Variants in DLC1 observed in about 807,000 individuals in gnomAD.
DLC1 encodes the protein rho GTPase-activating protein 7.
In DLC1, 54 loss-of-function variants were observed where a neutral mutation model predicts 140.3. The observed-to-expected ratio is 0.38, with a 90% CI of 0.31 to 0.48. DLC1 has a LOEUF of 0.48. Among genes scored for constraint, DLC1 ranks in the 20% least tolerant of loss-of-function variants. DLC1 has a pLI of 0.96. For missense variants in DLC1, 2,536 were observed against 1,907.0 expected, an observed-to-expected ratio of 1.33 and a Z score of -6.14; for synonymous variants, 986 against 728.1, an observed-to-expected ratio of 1.35 and a Z score of -5.70.
intron 1 of DLC1, among the ~76,000 whole-genome samples, chr8:13,520,609 C>A: frequency 6.6e-6 from 1 of 151,882 alleles, no homozygotes; most frequent in East Asian, 1.9e-4. Context: ...TAACCCAGAA[C>A]TTAAAGTATA....
Position 13,574,724 on chromosome 8 carries a change from A to C in DLC1, c.-126+29813T>G, listed in dbSNP as rs566506454. ...TCTGTTTATTGAACAGCATTATAGTAATGAAACTCTTGAGATAGAAGTGGT... is the reference window on the plus strand; with the variant it reads ...TCTGTTTATTGAACAGCATTATAGTCATGAAACTCTTGAGATAGAAGTGGT... On this transcript the variant is annotated intron_variant, in intron 1 of 1. Transcript: ENST00000631382. 2.0e-5 allele frequency among the ~76,000 whole-genome samples: 3 copies of C among 152,336 alleles called. No individual in the cohort carries two copies. The South Asian group carries it at 6.2e-4, about 32-fold the overall frequency.
intron 1 of DLC1, among the ~76,000 whole-genome samples, chr8:13,504,305 T>C (rs1420817206): frequency 1.3e-5 from 2 of 152,078 alleles, no homozygotes; most frequent in African/African-American, 4.8e-5. Context: ...TTTTTATTTT[T>C]CCTAGAGACA....
intron 2 of DLC1, among the ~76,000 whole-genome samples, chr8:13,472,280 T>C (rs950084099): frequency 2.0e-5 from 3 of 152,220 alleles, no homozygotes; most frequent in African/African-American, 7.2e-5. Flanking sequence ...CAGATTTAAA[T>C]GCGTGTATAC....
intron 5 of DLC1, among the ~76,000 whole-genome samples, chr8:13,259,806 T>A (rs887744669): frequency 6.6e-6 from 1 of 151,280 alleles, no homozygotes; most frequent in Non-Finnish European, 1.5e-5. Context: ...GTTTTTTTTT[T>A]TCTGTTTAAG....
At chr8:13,398,605 C>CA (rs55898759) in intron 3 of DLC1, among the ~76,000 whole-genome samples, 2,733 of 113,084 alleles carry the variant, frequency 0.024, 108 homozygotes, top group East Asian at 0.11. Context: ...CCATCTCTAC[C>CA]AAAAAAAAAA....
At chr8:13,586,400 G>A (rs527823692) in intron 1 of DLC1, among the ~76,000 whole-genome samples, 3 of 152,226 alleles carry the variant, frequency 2.0e-5, no homozygotes, top group South Asian at 4.1e-4. Context: ...GTAGGGAAGA[G>A]TCAAAGATGG....
intron 5 of DLC1, among the ~76,000 whole-genome samples, chr8:13,164,948 G>A (rs544220150): frequency 3.6e-4 from 55 of 152,306 alleles, no homozygotes; most frequent in African/African-American, 1.3e-3. Context: ...TGCATTTTGT[G>A]TGTGGGAGTT....
chr8:13,590,046 G>A (rs576246524), intron 1 of DLC1, among the ~76,000 whole-genome samples: 15 of 128,846 alleles, frequency 1.2e-4, no homozygotes, highest in Admixed American at 7.4e-4. Context: ...CTAAAGTTTA[G>A]GAGAAACTCA....
chr8:13,106,370 C>G (rs1011622209), intron 7 of DLC1, among the ~76,000 whole-genome samples: 6 of 152,128 alleles, frequency 3.9e-5, no homozygotes, highest in African/African-American at 1.2e-4. Context: ...CTTTTCTTTT[C>G]TTTTTGAGAC....
chr8:13,219,099 T>TATGTGA, intron 5 of DLC1, among the ~76,000 whole-genome samples: 1 of 122,138 alleles, frequency 8.2e-6, no homozygotes, highest in African/African-American at 3.2e-5. Flanking sequence ...TGAATGTAAT[T>TATGTGA]ATATAATTAT....
At chr8:13,390,692 C>G (rs533338600) in intron 4 of DLC1, among the ~76,000 whole-genome samples, 3 of 152,210 alleles carry the variant, frequency 2.0e-5, no homozygotes, top group South Asian at 2.1e-4. Context: ...TATCCTGGAA[C>G]TTTAAGAAAA....
intron 1 of DLC1, among the ~76,000 whole-genome samples, chr8:13,506,514 C>T (rs1802071342): frequency 6.8e-6 from 1 of 148,126 alleles, no homozygotes; most frequent in Non-Finnish European, 1.5e-5. Flanking sequence ...GTGTTCTCCA[C>T]CTACTGCTTT....
chr8:13,146,031 C>A (rs930002018), intron 5 of DLC1, among the ~76,000 whole-genome samples: 1 of 152,096 alleles, frequency 6.6e-6, no homozygotes, highest in Admixed American at 6.5e-5. Flanking sequence ...GTAATCCCAG[C>A]ACTTTGGGAG....
chr8:13,093,318 CTGATTTGTTCCTTCTTGAAG>C (rs1402497375), intron 12 of DLC1, among the ~76,000 whole-genome samples: 1 of 152,074 alleles, frequency 6.6e-6, no homozygotes, highest in Non-Finnish European at 1.5e-5. Flanking sequence ...ATGAGTTTAA[CTGATTTGTTCCTTCTTGAAG>C]TGGGAAAAGC....
At chr8:13,424,668 G>A (rs1445583069) in intron 2 of DLC1, among the ~76,000 whole-genome samples, 16 of 152,014 alleles carry the variant, frequency 1.1e-4, no homozygotes, top group Admixed American at 9.2e-4. Context: ...CACCTCCCGG[G>A]TTCATGCCAC....
chr8:13,363,109 T>A (rs1835314540), intron 4 of DLC1, among the ~76,000 whole-genome samples: 1 of 152,170 alleles, frequency 6.6e-6, no homozygotes, highest in Non-Finnish European at 1.5e-5. Context: ...TAAACATTAA[T>A]GAGACAAACA....
At position 13,276,112 on chromosome 8, in the gene DLC1, G is replaced by A. The variant is rs954923707; in HGVS notation, c.1348+29157C>T. ...CATCAAGGTTAAATACTAGAGAAAG[G>A]GAGACCGAACACACTGCCATGACAA... On this transcript the variant is annotated intron_variant, in intron 5 of 17. Transcript: ENST00000276297. The A allele has an allele frequency of 1.3e-5, 15 of 1,182,992 alleles. No homozygotes were observed. The African/African-American group carries it at 2.1e-4, about 16-fold the overall frequency. The allele number at this position is 1,182,992 out of a possible 1,614,324, so 73.3% of individuals were successfully genotyped here. A position where few individuals can be genotyped will look rare whatever the true frequency, so the allele number is the denominator to read the frequency against.
chr8:13,315,653 T>C lies in DLC1; in HGVS notation c.1315-10351A>G, dbSNP rs553487159. ...AACTCAATTTCTTCTATTCCATTGA[T>C]GACCTAAGTCCCCGTATTTTGTTTG... On this transcript the variant is annotated intron_variant, in intron 4 of 17. Coordinates refer to ENST00000276297, the MANE Select transcript of DLC1 (RefSeq NM_182643.3). Among the ~76,000 whole-genome samples the C allele has an allele frequency of 2.6e-5, 4 of 152,330 alleles. No individual in the cohort carries two copies. The South Asian group carries it at 6.2e-4, about 24-fold the overall frequency.
In DLC1 at chr8:13,100,764, C is replaced by G; in HGVS notation, c.1573G>C (p.Asp525His). 1.3e-6 allele frequency: 2 copies of G among 1,560,220 alleles called. No individual in the cohort carries two copies. Among genetic ancestry groups the G allele is most frequent in the South Asian group, 2.5e-5 (2 of 81,360 alleles). Residue 525 changes from aspartate (D) to histidine (H), a missense_variant, in exon 9 of 18, where the codon GAT becomes CAT. Physicochemically the swap from Asp to His is moderately conservative, Grantham distance 81 (BLOSUM62 -1). Coordinates refer to ENST00000276297, the MANE Select transcript of DLC1 (RefSeq NM_182643.3). ...EISPHRKRSD[D>H]SDEDEPCAIS... is the part of the protein sequence containing the mutation. The stretch of plus-strand genomic sequence containing the variant: ...GCACAAGGCTCATCCTCGTCTGAAT[C>G]GTCACTCTGCAAAGACAGAAAGGAG...
Sources: gnomAD v4.1 joint callset for allele counts (sites outside exome capture counted in the v4.1 genomes callset) on GRCh38, gnomAD v4.1.1 for gene constraint, MANE v1.5 for transcripts, NCBI Gene and HGNC (gene_info 2026-07-23, HGNC 2026-07-21) for gene names.